RERE: variants seen among roughly 807,000 people sequenced by gnomAD.
RERE encodes arginine-glutamic acid dipeptide repeats protein.
Under a neutral mutation model 146.1 loss-of-function variants are expected in RERE, and 40 were observed. The ratio of observed to expected loss-of-function variants is 0.27; its 90% CI spans 0.21 to 0.36. The LOEUF (loss-of-function observed/expected upper bound fraction) is 0.36, where lower values mean the gene tolerates loss of function less well. Ranked by LOEUF, RERE falls within the 10% of genes least tolerant of loss-of-function variation. The pLI is 1.00. For missense variants in RERE, 1,933 were observed against 2,138.7 expected, an observed-to-expected ratio of 0.90 and a Z score of 1.90; for synonymous variants, 1,003 against 866.0, an observed-to-expected ratio of 1.16 and a Z score of -2.78.
At chr1:8,610,973 T>A (rs957651823) in intron 4 of RERE, among the ~76,000 whole-genome samples, 3 of 150,410 alleles carry the variant, frequency 2.0e-5, no homozygotes. Context: ...GGTGGGGGGA[T>A]CATGAGGTCA....
intron 1 of RERE, among the ~76,000 whole-genome samples, chr1:8,747,391 A>C (rs1234212871): frequency 6.6e-6 from 1 of 152,164 alleles, no homozygotes; most frequent in Admixed American, 6.5e-5. Flanking sequence ...GTGGGCAGGG[A>C]GAACAAGACC....
At chr1:8,370,026 G>A (rs1041933994) in intron 12 of RERE, among the ~76,000 whole-genome samples, 1 of 151,950 alleles carries the variant, frequency 6.6e-6, no homozygotes, top group African/African-American at 2.4e-5. Flanking sequence ...TCCTGACCTC[G>A]TTATTTGCCT....
chr1:8,589,973 C>G (rs563562363), intron 4 of RERE, among the ~76,000 whole-genome samples: 1 of 152,324 alleles, frequency 6.6e-6, no homozygotes, highest in Admixed American at 6.5e-5. Flanking sequence ...GTACAGCCCT[C>G]TGTGTGTAAG....
At position 8,699,222 on chromosome 1, in the gene RERE, G is replaced by C. The variant is rs770299367; in HGVS notation, c.-144-42781C>G. 9.6e-4 allele frequency among the ~76,000 whole-genome samples: 146 copies of C among 152,176 alleles called. 1 individual carries two copies. Among genetic ancestry groups the C allele is most frequent in the African/African-American group, 1.6e-3 (65 of 41,480 alleles). ...CCTAAAGCATTTCGTAAACCCTCTA[G>C]GTAGACTCATTATTTTCTGGTATGA... On this transcript the variant is annotated intron_variant, in intron 1 of 22. Coordinates refer to ENST00000400908, the MANE Select transcript of RERE (RefSeq NM_001042681.2).
chr1:8,362,968 C>T (rs1641648981), intron 15 of RERE, 124 bp from the exon 16 acceptor site: 1 of 1,119,992 alleles, frequency 8.9e-7, no homozygotes, highest in East Asian at 2.5e-5. Flanking sequence ...AATCCCAGAC[C>T]TTGGCAAACA....
At chr1:8,399,025 C>T (rs1381977342) in intron 12 of RERE, among the ~76,000 whole-genome samples, 1 of 151,974 alleles carries the variant, frequency 6.6e-6, no homozygotes, top group Non-Finnish European at 1.5e-5. Flanking sequence ...GCAGACTTTT[C>T]AGATTTTCTC....
intron 1 of RERE, among the ~76,000 whole-genome samples, chr1:8,733,277 G>A (rs751799837): frequency 9.9e-5 from 15 of 152,266 alleles, no homozygotes; most frequent in Non-Finnish European, 1.3e-4. Context: ...ATTCACAAGT[G>A]CTGCTGCTGG....
intron 12 of RERE, among the ~76,000 whole-genome samples, chr1:8,418,024 T>C (rs987196591): frequency 1.4e-4 from 21 of 152,212 alleles, no homozygotes; most frequent in African/African-American, 5.1e-4. Flanking sequence ...TGTGCTCACT[T>C]TGTGGGGCCT....
intron 1 of RERE, among the ~76,000 whole-genome samples, chr1:8,787,321 C>T (rs10864367): frequency 0.54 from 81,947 of 151,972 alleles, 22,688 homozygotes; most frequent in East Asian, 0.83. Flanking sequence ...CCTAAATAAC[C>T]TACTTAAAAT....
At chr1:8,617,083 G>A (rs1416442440) in intron 3 of RERE, among the ~76,000 whole-genome samples, 1 of 152,072 alleles carries the variant, frequency 6.6e-6, no homozygotes, top group Non-Finnish European at 1.5e-5. Context: ...GGTGGTTCAT[G>A]CCTGTAATCC....
chr1:8,767,045 T>C (rs1640863141), intron 1 of RERE, among the ~76,000 whole-genome samples: 1 of 152,212 alleles, frequency 6.6e-6, no homozygotes, highest in African/African-American at 2.4e-5. Context: ...TAGACTAATA[T>C]GATTTATAAA....
At chr1:8,419,381 G>A (rs1023328001) in intron 12 of RERE, among the ~76,000 whole-genome samples, 3 of 152,184 alleles carry the variant, frequency 2.0e-5, no homozygotes, top group African/African-American at 4.8e-5. Context: ...AAAGAGCTAG[G>A]AAAGCTGTTT....
chr1:8,504,096 T>G (rs1449118371), intron 8 of RERE, among the ~76,000 whole-genome samples: 3 of 152,154 alleles, frequency 2.0e-5, no homozygotes, highest in African/African-American at 7.2e-5. Context: ...AGTAGGGAAA[T>G]AAAACACCTA....
intron 1 of RERE, among the ~76,000 whole-genome samples, chr1:8,675,345 A>C (rs1281416980): frequency 6.6e-6 from 1 of 152,062 alleles, no homozygotes; most frequent in Non-Finnish European, 1.5e-5. Context: ...CATTTTTAGA[A>C]TATCAGAGAG....
In RERE at chr1:8,353,446, T is replaced by C. The variant is rs942811424; in HGVS notation, c.*1641A>G. ...CTTTGTGTCCGCCGACCCAGTGTGG[T>C]CTCTGTCCTACAATTCTTGGGATGG... On this transcript the variant is annotated 3_prime_UTR_variant, in exon 23 of 23. Coordinates refer to ENST00000400908, the MANE Select transcript of RERE (RefSeq NM_001042681.2). 1.3e-5 allele frequency: 2 copies of C among 152,206 alleles called. No individual in the cohort carries two copies. Among genetic ancestry groups the C allele is most frequent in the African/African-American group, 2.4e-5 (1 of 41,428 alleles). The allele number at this position is 152,206 out of a possible 1,614,324, so 9.4% of individuals were successfully genotyped here.
intron 6 of RERE, among the ~76,000 whole-genome samples, chr1:8,543,430 G>C (rs1175039946): frequency 6.6e-6 from 1 of 152,150 alleles, no homozygotes. Flanking sequence ...ACAATGCTAT[G>C]TAAAGTAAGT....
chr1:8,743,597 G>GAT (rs1280254776), intron 1 of RERE, among the ~76,000 whole-genome samples: 1 of 151,802 alleles, frequency 6.6e-6, no homozygotes. Flanking sequence ...TATTCCAACT[G>GAT]ATATATATTT....
chr1:8,441,201 C>T lies in RERE; in HGVS notation c.1204-18394G>A, dbSNP rs371012313. On this transcript the variant is annotated intron_variant, in intron 11 of 22. Transcript: ENST00000400908. Reference sequence around the variant, plus strand: ...TGGGGGCGTGGGTTTCCTTGACTCTCCCAGTGCCCAGAAGTGGGCCTGGCA... The same window carrying T: ...TGGGGGCGTGGGTTTCCTTGACTCTTCCAGTGCCCAGAAGTGGGCCTGGCA... 4.6e-5 allele frequency among the ~76,000 whole-genome samples: 7 copies of T among 152,156 alleles called. No individual in the cohort carries two copies. In the East Asian group the frequency reaches 1.3e-3, roughly 29 times the overall value.
chr1:8,512,741 G>A (rs1227003463), intron 7 of RERE: 2 of 152,076 alleles, frequency 1.3e-5, no homozygotes, highest in African/African-American at 2.4e-5. Flanking sequence ...GTGTGGCAGC[G>A]GCACCCATTT....
Sources: gnomAD v4.1 joint callset for allele counts (sites outside exome capture counted in the v4.1 genomes callset) on GRCh38, gnomAD v4.1.1 for gene constraint, MANE v1.5 for transcripts, NCBI Gene and HGNC (gene_info 2026-07-23, HGNC 2026-07-21) for gene names.